Variants in ARHGAP44 observed in about 807,000 individuals in gnomAD.
ARHGAP44 encodes Rho GTPase activating protein 44.
A neutral mutation model predicts 106.8 loss-of-function variants in ARHGAP44; 43 were observed. The observed-to-expected ratio is 0.40, with a 90% CI of 0.32 to 0.52. ARHGAP44 has a LOEUF of 0.52. Among genes scored for constraint, ARHGAP44 ranks in the 20% least tolerant of loss-of-function variants. The probability of loss-of-function intolerance (pLI) is 0.48; values close to 1 mark genes in which losing one functional copy is unlikely to be tolerated. For synonymous variants in ARHGAP44, 439 were observed against 410.3 expected, an observed-to-expected ratio of 1.07 and a Z score of -0.85; for missense variants, 866 against 1,050.5, an observed-to-expected ratio of 0.82 and a Z score of 2.43.
chr17:12,942,057 A>G (rs2038725003), intron 8 of ARHGAP44, among the ~76,000 whole-genome samples: 1 of 152,256 alleles, frequency 6.6e-6, no homozygotes, highest in South Asian at 2.1e-4. Context: ...CCAACATTTC[A>G]TTAGTGGTTC....
intron 1 of ARHGAP44, among the ~76,000 whole-genome samples, chr17:12,876,559 G>A (rs1035195763): frequency 6.6e-6 from 1 of 152,162 alleles, no homozygotes; most frequent in African/African-American, 2.4e-5. Context: ...GGAATATTAG[G>A]AGGAATGTCT....
At chr17:12,896,377 C>A in intron 2 of ARHGAP44, 30 bp from the exon 3 acceptor site, 1 of 1,558,600 alleles carries the variant, frequency 6.4e-7, no homozygotes, top group South Asian at 1.2e-5. Context: ...TGCCCTCTCT[C>A]AGTGGCACCA....
At chr17:12,837,281 G>A (rs1020869799) in intron 1 of ARHGAP44, among the ~76,000 whole-genome samples, 7 of 152,134 alleles carry the variant, frequency 4.6e-5, no homozygotes, top group African/African-American at 1.4e-4. Flanking sequence ...GAATTGAATA[G>A]CATTAAATTC....
In ARHGAP44 at chr17:12,915,986, T is replaced by A; in HGVS notation, c.362T>A (p.Ile121Asn). ...HFELQVERDV[I>N]EPLFLLAEVE... ...GAGTTGCAAGTAGAGAGAGACGTGA[T>A]TGAGCCCCTGTTTTTGCTGGCGGAG... The change falls in exon 5 of 21, where the codon ATT becomes AAT. Residue 121 changes from isoleucine to asparagine, a missense_variant. Physicochemically the swap from Ile to Asn is moderately radical, Grantham distance 149 (BLOSUM62 -3). Around this residue, in one of 2 missense-constraint regions of ARHGAP44, gnomAD observed 448 missense variants for 646.9 expected, o/e 0.69. Transcript: ENST00000379672. The A allele has an allele frequency of 6.2e-7, 1 of 1,613,932 alleles. No individual in the cohort carries two copies. The highest frequency in any genetic ancestry group is 8.5e-7 in the Non-Finnish European group (1 of 1,179,866).
intron 14 of ARHGAP44, 45 bp downstream of exon 14, chr17:12,956,025 G>T (rs1184520357): frequency 6.9e-7 from 1 of 1,458,126 alleles, no homozygotes; most frequent in African/African-American, 1.4e-5. Flanking sequence ...AGGTGGGACT[G>T]CAGGGCCTGA....
intron 16 of ARHGAP44, among the ~76,000 whole-genome samples, chr17:12,962,813 A>G (rs941136155): frequency 2.6e-5 from 4 of 152,122 alleles, no homozygotes; most frequent in African/African-American, 9.7e-5. Context: ...TGGGTGGCCG[A>G]GTTGGGTGGA....
At chr17:12,820,004 C>T (rs139086511) in intron 1 of ARHGAP44, among the ~76,000 whole-genome samples, 1 of 152,068 alleles carries the variant, frequency 6.6e-6, no homozygotes, top group African/African-American at 2.4e-5. Context: ...AGGAGATATT[C>T]TGCATTTTCA....
At chr17:12,856,986 A>G (rs2035929410) in intron 1 of ARHGAP44, among the ~76,000 whole-genome samples, 1 of 152,202 alleles carries the variant, frequency 6.6e-6, no homozygotes, top group Non-Finnish European at 1.5e-5. Context: ...TATAATGAAC[A>G]TACTTTTTTC....
At chr17:12,859,421 G>A (rs1321470079) in intron 1 of ARHGAP44, among the ~76,000 whole-genome samples, 1 of 152,168 alleles carries the variant, frequency 6.6e-6, no homozygotes, top group African/African-American at 2.4e-5. Flanking sequence ...CCTTTTATAA[G>A]TCCTAGATCT....
chr17:12,830,585 A>C (rs2035057398), intron 1 of ARHGAP44, among the ~76,000 whole-genome samples: 1 of 152,164 alleles, frequency 6.6e-6, no homozygotes, highest in African/African-American at 2.4e-5. Context: ...ATTAGTTTCT[A>C]GGTCCAGTCT....
chr17:12,804,108 C>T (rs2034200925), intron 1 of ARHGAP44, among the ~76,000 whole-genome samples: 1 of 152,188 alleles, frequency 6.6e-6, no homozygotes, highest in South Asian at 2.1e-4. Context: ...GCTTTGCCTT[C>T]ATCTGTGTCT....
intron 7 of ARHGAP44, 112 bp downstream of exon 7, chr17:12,929,158 C>T (rs896171351): frequency 2.0e-6 from 2 of 1,024,562 alleles, no homozygotes; most frequent in South Asian, 1.5e-5. Flanking sequence ...TCTAGTTGAA[C>T]TGAATGTCCC....
chr17:12,933,679 A>G (rs2038463807), intron 7 of ARHGAP44, among the ~76,000 whole-genome samples: 1 of 152,214 alleles, frequency 6.6e-6, no homozygotes, highest in South Asian at 2.1e-4. Context: ...CAATGATGTA[A>G]CAATAGAGAA....
In ARHGAP44 at chr17:12,909,226, G is replaced by A. The variant is rs182095377; in HGVS notation, c.275+253G>A. Among the ~76,000 whole-genome samples the A allele has an allele frequency of 5.4e-3, 816 of 152,250 alleles. 5 individuals carry two copies. Among genetic ancestry groups the A allele is most frequent in the Middle Eastern group, 0.014 (4 of 294 alleles). On this transcript the variant is annotated intron_variant, in intron 4 of 20. Transcript: ENST00000379672. ...AATTGAAATCCCTAGGGCCCTAGCA[G>A]AAGCAAATATGAAACCTGTCAATTC...
At chr17:12,918,151 T>C (rs1324272244) in intron 5 of ARHGAP44, among the ~76,000 whole-genome samples, 2 of 152,224 alleles carry the variant, frequency 1.3e-5, no homozygotes, top group East Asian at 3.9e-4. Flanking sequence ...AAGGAGCAAG[T>C]CCGTTGTGGG....
chr17:12,898,356 T>A lies in ARHGAP44; in HGVS notation c.198+1845T>A, dbSNP rs963372123. Among the ~76,000 whole-genome samples, 6 of 152,188 alleles carry A rather than the reference T, an allele frequency of 3.9e-5. 1 individual carries two copies. The highest frequency in any genetic ancestry group is 3.3e-4 in the Admixed American group (5 of 15,284). ...AAAAGCATGCTGTGAGTGAGTTGTT[T>A]ACTATTTCTAGGAATTGCCTAGCCT... On this transcript the variant is annotated intron_variant, in intron 3 of 20. Coordinates refer to ENST00000379672, the MANE Select transcript of ARHGAP44 (RefSeq NM_014859.6).
At chr17:12,813,813 A>T (rs2034511563) in intron 1 of ARHGAP44, among the ~76,000 whole-genome samples, 1 of 151,584 alleles carries the variant, frequency 6.6e-6, no homozygotes, top group Admixed American at 6.6e-5. Context: ...ACATATAACC[A>T]TGTGGGCAAA....
rs553854434 is a variant in ARHGAP44 at position 12,989,259 on chromosome 17, C to T, written c.2318-773C>T. 3.3e-5 allele frequency among the ~76,000 whole-genome samples: 5 copies of T among 152,040 alleles called. No individual in the cohort carries two copies. In the East Asian group the frequency reaches 5.9e-4, roughly 18 times the overall value. Reference sequence around the variant, plus strand: ...GCCTCGTCAGTGTCCCCCAGGGCGGCGGCTGCAGCAGCAAGGGGATTTTTT... The same window carrying T: ...GCCTCGTCAGTGTCCCCCAGGGCGGTGGCTGCAGCAGCAAGGGGATTTTTT... On this transcript the variant is annotated intron_variant, in intron 20 of 20. Coordinates refer to ENST00000379672, the MANE Select transcript of ARHGAP44 (RefSeq NM_014859.6).
intron 20 of ARHGAP44, 110 bp from the exon 21 acceptor site, chr17:12,989,922 C>G (rs1483407569): frequency 6.8e-7 from 1 of 1,466,628 alleles, no homozygotes; most frequent in African/African-American, 1.4e-5. Flanking sequence ...TGATCTATCC[C>G]TAGAATAGCA....
Sources: gnomAD v4.1 joint callset for allele counts (sites outside exome capture counted in the v4.1 genomes callset) on GRCh38, gnomAD v4.1.1 for gene constraint, gnomAD v4.1.1 regional missense constraint, MANE v1.5 for transcripts, NCBI Gene and HGNC (gene_info 2026-07-23, HGNC 2026-07-21) for gene names.